Variants in CPAMD8 observed in about 807,000 individuals in gnomAD.
CPAMD8 encodes the protein C3 and PZP like alpha-2-macroglobulin domain containing 8.
A neutral mutation model predicts 224.7 loss-of-function variants in CPAMD8; 146 were observed. The observed-to-expected ratio is 0.65, with a 90% CI of 0.57 to 0.75. The LOEUF (loss-of-function observed/expected upper bound fraction) is 0.75. CPAMD8 is among the 30% of genes least tolerant of loss of function. CPAMD8 has a pLI of 0.00. For missense variants in CPAMD8, 2,301 were observed against 2,537.5 expected, an observed-to-expected ratio of 0.91 and a Z score of 2.00; for synonymous variants, 966 against 1,044.6, an observed-to-expected ratio of 0.92 and a Z score of 1.45.
rs528939156 is a variant in CPAMD8, at chr19:16,975,251, T to C, written c.1916A>G (p.Gln639Arg). The stretch of plus-strand genomic sequence containing the variant: ...AGAAACATCATAATCTTCCAGTTCC[T>C]GGAAAACCTGCAGGCAAAGGGGGAC... The part of the protein sequence containing the change: ...GFRLTPAQVF[Q>R]ELEDYDVSDS... The change falls in exon 17 of 42, where the codon CAG becomes CGG. Residue 639 changes from glutamine (Q) to arginine (R), a missense_variant. By Grantham distance (43) the Gln-to-Arg change is conservative. Coordinates refer to ENST00000443236, the MANE Select transcript of CPAMD8 (RefSeq NM_015692.5). 42 of 1,602,348 alleles carry C rather than the reference T, an allele frequency of 2.6e-5. No individual in the cohort carries two copies. In the African/African-American group the frequency reaches 2.7e-4, roughly 10 times the overall value.
At chr19:16,965,817 A>C (rs1309019754) in intron 18 of CPAMD8, among the ~76,000 whole-genome samples, 1 of 152,200 alleles carries the variant, frequency 6.6e-6, no homozygotes, top group Non-Finnish European at 1.5e-5. Context: ...GGAGAACTAC[A>C]AACCACTGCT....
chr19:16,965,222 T>G (rs1016244508), intron 18 of CPAMD8, among the ~76,000 whole-genome samples: 4 of 151,634 alleles, frequency 2.6e-5, no homozygotes, highest in African/African-American at 9.7e-5. Context: ...ATCGCACCAC[T>G]GCACTCCAGC....
chr19:16,906,098 T>C lies in CPAMD8; in HGVS notation c.4027+854A>G, dbSNP rs550812469. 1.1e-4 allele frequency among the ~76,000 whole-genome samples: 17 copies of C among 152,148 alleles called. No homozygotes were observed. The South Asian group carries it at 3.5e-3, about 32-fold the overall frequency. On this transcript the variant is annotated intron_variant, in intron 30 of 41. Coordinates refer to ENST00000443236, the MANE Select transcript of CPAMD8 (RefSeq NM_015692.5). ...TCTGAGAACTCCCCTTCCAGAGGGGTTGGCATCCCAGATTTCACAGGCAAG... is the reference window on the plus strand; with the variant it reads ...TCTGAGAACTCCCCTTCCAGAGGGGCTGGCATCCCAGATTTCACAGGCAAG...
chr19:16,918,409 T>C (rs979976066), intron 27 of CPAMD8, among the ~76,000 whole-genome samples: 3 of 110,510 alleles, frequency 2.7e-5, no homozygotes, highest in African/African-American at 5.3e-5. Context: ...AAATTCAACT[T>C]TTCGTTTTTG....
rs751835435 is a variant in CPAMD8, at chr19:16,914,705, G to A, written c.3738C>T (p.Ala1246=). The A allele has an allele frequency of 1.4e-5, 22 of 1,613,948 alleles. No homozygotes were observed. Among genetic ancestry groups the A allele is most frequent in the South Asian group, 5.5e-5 (5 of 91,084 alleles). ...AKSWIIQQQQ[A]DGSFLAVGRV... ...TGCCCACGGCCAGGAAGGAGCCATC[G>A]GCCTGCTGCTGCTGGATGATCCAGC... The change falls in exon 28 of 42, where the codon GCC becomes GCT. Residue 1246 remains alanine (A), a synonymous_variant. Coordinates refer to ENST00000443236, the MANE Select transcript of CPAMD8 (RefSeq NM_015692.5).
chr19:17,002,451 C>T, intron 8 of CPAMD8, 101 bp from the exon 9 acceptor site: 2 of 737,048 alleles, frequency 2.7e-6, no homozygotes, highest in Non-Finnish European at 2.4e-6. Context: ...CAGCACCTGG[C>T]CACCACCGAG....
At chr19:16,932,096 T>TA (rs893535974) in intron 23 of CPAMD8, among the ~76,000 whole-genome samples, 68 of 147,112 alleles carry the variant, frequency 4.6e-4, no homozygotes, top group Middle Eastern at 3.5e-3. Context: ...CAGATTCCAG[T>TA]AAAAAAAAAA....
chr19:16,985,573 G>A (rs542695948), intron 13 of CPAMD8, among the ~76,000 whole-genome samples: 14 of 149,212 alleles, frequency 9.4e-5, no homozygotes, highest in African/African-American at 3.4e-4. Flanking sequence ...GGAAGGGAAG[G>A]AAGAAAGGAG....
intron 22 of CPAMD8, among the ~76,000 whole-genome samples, chr19:16,940,069 G>A (rs1451045254): frequency 6.6e-6 from 1 of 151,706 alleles, no homozygotes; most frequent in Non-Finnish European, 1.5e-5. Flanking sequence ...CCACCACCAG[G>A]CCCAGCTAAT....
At chr19:17,022,730 C>A (rs954752479) in intron 1 of CPAMD8, among the ~76,000 whole-genome samples, 3 of 152,048 alleles carry the variant, frequency 2.0e-5, no homozygotes, top group Admixed American at 6.6e-5. Context: ...AACTCCTGAC[C>A]TCAAATGATC....
intron 27 of CPAMD8, among the ~76,000 whole-genome samples, chr19:16,916,119 T>A (rs1460945996): frequency 2.6e-5 from 4 of 151,974 alleles, no homozygotes; most frequent in Non-Finnish European, 5.9e-5. Flanking sequence ...GCTCAAGCGA[T>A]TCTCCCACTT....
intron 25 of CPAMD8, among the ~76,000 whole-genome samples, chr19:16,926,395 G>A (rs866689977): frequency 4.6e-5 from 7 of 151,896 alleles, no homozygotes; most frequent in Non-Finnish European, 8.8e-5. Flanking sequence ...TTGGCTCACT[G>A]CAACCTCTGC....
intron 36 of CPAMD8, among the ~76,000 whole-genome samples, chr19:16,900,438 A>G (rs2052206087): frequency 6.6e-6 from 1 of 151,776 alleles, no homozygotes; most frequent in African/African-American, 2.4e-5. Context: ...TCTCTACTCA[A>G]TACAAAAAAA....
At chr19:16,917,975 C>T (rs1309232314) in intron 27 of CPAMD8, among the ~76,000 whole-genome samples, 1 of 152,122 alleles carries the variant, frequency 6.6e-6, no homozygotes, top group African/African-American at 2.4e-5. Context: ...ATAACCGACA[C>T]ATATCCTCCC....
chr19:16,921,304 GAGA>G (rs1393492342), intron 27 of CPAMD8, among the ~76,000 whole-genome samples: 3 of 152,114 alleles, frequency 2.0e-5, no homozygotes, highest in Non-Finnish European at 2.9e-5. Context: ...GGCAATCTCC[GAGA>G]AGGAGTCCGG....
Position 16,904,301 on chromosome 19 carries a change from G to C in CPAMD8, c.4176C>G (p.Asp1392Glu), listed in dbSNP as rs1241478410. The C allele has an allele frequency of 1.2e-6, 2 of 1,612,902 alleles. No individual in the cohort carries two copies. The highest frequency in any genetic ancestry group is 1.7e-6 in the Non-Finnish European group (2 of 1,179,588). ...YALLTYTLLG[D>E]VAAALPVVKW... Reference sequence around the variant, plus strand: ...TCACCACAGGCAGGGCGGCAGCCACGTCACCCAGCAGAGTGTAGGTCAGAA... The same window carrying C: ...TCACCACAGGCAGGGCGGCAGCCACCTCACCCAGCAGAGTGTAGGTCAGAA... Residue 1392 changes from aspartate (D) to glutamate (E), a missense_variant, in exon 32 of 42, where the codon GAC becomes GAG. Asp to Glu is a conservative substitution (Grantham distance 45). This residue lies in a region of CPAMD8 where 1,709 missense variants were observed against 1,753.2 expected (regional missense o/e 0.97). Transcript: ENST00000443236.
intron 19 of CPAMD8, among the ~76,000 whole-genome samples, chr19:16,955,236 A>C (rs1170446351): frequency 6.6e-6 from 1 of 152,004 alleles, no homozygotes; most frequent in Non-Finnish European, 1.5e-5. Flanking sequence ...CAGAGGTTGC[A>C]GTGAGCCGAG....
chr19:17,003,182 C>T (rs563453909), intron 8 of CPAMD8, among the ~76,000 whole-genome samples: 3 of 151,574 alleles, frequency 2.0e-5, no homozygotes, highest in Non-Finnish European at 4.4e-5. Flanking sequence ...GGATTACAGA[C>T]GTTAGCTGCC....
chr19:16,985,658 AATAG>A (rs1488228062), intron 13 of CPAMD8, among the ~76,000 whole-genome samples: 6 of 141,360 alleles, frequency 4.2e-5, no homozygotes, highest in Non-Finnish European at 7.7e-5. Flanking sequence ...TGGATGGATG[AATAG>A]ATAGATGGAG....
Sources: gnomAD v4.1 joint callset for allele counts (sites outside exome capture counted in the v4.1 genomes callset) on GRCh38, gnomAD v4.1.1 for gene constraint, gnomAD v4.1.1 regional missense constraint, MANE v1.5 for transcripts, NCBI Gene and HGNC (gene_info 2026-07-23, HGNC 2026-07-21) for gene names.